DSCAM: variants seen among roughly 807,000 people sequenced by gnomAD.
DSCAM encodes cell adhesion molecule DSCAM.
In DSCAM, 47 loss-of-function variants were observed where a neutral mutation model predicts 217.7. That is an observed-to-expected ratio of 0.22 (90% CI 0.17 to 0.28). The LOEUF is 0.28. DSCAM is among the 10% of genes least tolerant of loss of function. DSCAM has a pLI of 1.00. For synonymous variants in DSCAM, 1,056 were observed against 1,015.3 expected, an observed-to-expected ratio of 1.04 and a Z score of -0.76; for missense variants, 2,080 against 2,618.3, an observed-to-expected ratio of 0.79 and a Z score of 4.49.
chr21:40,841,672 C>G (rs940057060), intron 1 of DSCAM, among the ~76,000 whole-genome samples: 1 of 152,094 alleles, frequency 6.6e-6, no homozygotes, highest in Non-Finnish European at 1.5e-5. Flanking sequence ...GCAGGAGAAG[C>G]GGCGGCTCCT....
chr21:40,602,222 A>G (rs1451587229), intron 3 of DSCAM, among the ~76,000 whole-genome samples: 1 of 151,876 alleles, frequency 6.6e-6, no homozygotes, highest in Admixed American at 6.6e-5. Context: ...CTCCATGCTC[A>G]GATAATTATT....
At chr21:40,572,555 T>A (rs949064412) in intron 3 of DSCAM, among the ~76,000 whole-genome samples, 7 of 152,112 alleles carry the variant, frequency 4.6e-5, no homozygotes, top group African/African-American at 1.7e-4. Context: ...AATAAAATGT[T>A]GAAAACTGAC....
intron 1 of DSCAM, among the ~76,000 whole-genome samples, chr21:40,716,687 A>G (rs1000059570): frequency 6.6e-6 from 1 of 152,226 alleles, no homozygotes; most frequent in African/African-American, 2.4e-5. Context: ...GGGCAGGGTG[A>G]AAAGGGGAGA....
chr21:40,393,766 T>A (rs986266509), intron 3 of DSCAM, among the ~76,000 whole-genome samples: 1 of 152,168 alleles, frequency 6.6e-6, no homozygotes, highest in East Asian at 1.9e-4. Flanking sequence ...TTCAGCTTAT[T>A]TTATTTGATC....
chr21:40,181,138 C>G (rs558148674), intron 14 of DSCAM, among the ~76,000 whole-genome samples: 60 of 152,160 alleles, frequency 3.9e-4, no homozygotes, highest in Non-Finnish European at 7.1e-4. Flanking sequence ...CTTTTCAGAT[C>G]TTGGATGTCC....
intron 32 of DSCAM, among the ~76,000 whole-genome samples, chr21:40,040,781 G>A (rs1310608451): frequency 1.3e-5 from 2 of 152,210 alleles, no homozygotes; most frequent in Non-Finnish European, 2.9e-5. Flanking sequence ...TGCAGGAACT[G>A]AAGCTGAGAA....
chr21:40,252,507 C>A (rs1411038000), intron 11 of DSCAM, among the ~76,000 whole-genome samples: 1 of 152,140 alleles, frequency 6.6e-6, no homozygotes, highest in African/African-American at 2.4e-5. Context: ...AGAAATATTT[C>A]TATCACCATC....
intron 11 of DSCAM, among the ~76,000 whole-genome samples, chr21:40,225,732 G>A (rs1428173320): frequency 1.3e-5 from 2 of 152,108 alleles, no homozygotes; most frequent in Non-Finnish European, 2.9e-5. Flanking sequence ...TCTTTGTTGG[G>A]ACCATGGAGA....
At chr21:40,358,145 G>C (rs1340641169) in intron 4 of DSCAM, among the ~76,000 whole-genome samples, 1 of 152,134 alleles carries the variant, frequency 6.6e-6, no homozygotes, top group Non-Finnish European at 1.5e-5. Flanking sequence ...AAAATGAAAT[G>C]CACCAACTTC....
intron 3 of DSCAM, among the ~76,000 whole-genome samples, chr21:40,409,805 G>T (rs1241142608): frequency 6.6e-6 from 1 of 152,170 alleles, no homozygotes; most frequent in Non-Finnish European, 1.5e-5. Flanking sequence ...GTGCAAACAA[G>T]GCTTAAAGCA....
chr21:40,179,184 CAAAAAAAAAAAAA>C (rs11286508), intron 14 of DSCAM, 90 bp from the exon 15 acceptor site: 2,480 of 102,928 alleles, frequency 0.024, 114 homozygotes, highest in African/African-American at 0.11. Context: ...AATTAAAAAC[CAAAAAAAAAAAAA>C]AAAAAAAAAA....
At chr21:40,536,494 C>T (rs953471342) in intron 3 of DSCAM, among the ~76,000 whole-genome samples, 4 of 151,696 alleles carry the variant, frequency 2.6e-5, no homozygotes, top group African/African-American at 7.3e-5. Context: ...CTCCGCCTCC[C>T]GGGTTCACGC....
chr21:40,844,611 A>G (rs987555899), intron 1 of DSCAM, among the ~76,000 whole-genome samples: 7 of 151,552 alleles, frequency 4.6e-5, no homozygotes, highest in Non-Finnish European at 7.4e-5. Context: ...TAATTTTTGC[A>G]TATATTTTTC....
chr21:40,275,150 C>T (rs946766700), intron 11 of DSCAM, among the ~76,000 whole-genome samples: 1 of 151,506 alleles, frequency 6.6e-6, no homozygotes, highest in African/African-American at 2.4e-5. Flanking sequence ...CAAAGTGAGA[C>T]CCTCATCTTT....
intron 20 of DSCAM, among the ~76,000 whole-genome samples, chr21:40,101,691 C>T (rs373643997): frequency 6.6e-6 from 1 of 151,822 alleles, no homozygotes; most frequent in Non-Finnish European, 1.5e-5. Context: ...AGGACACACA[C>T]ATAAAATGTA....
At position 40,189,236 on chromosome 21, in the gene DSCAM, G is replaced by A. The variant is rs766975740; in HGVS notation, c.2359C>T (p.Pro787Ser). 10 of 1,565,018 alleles carry A rather than the reference G, an allele frequency of 6.4e-6. No individual in the cohort carries two copies. Among genetic ancestry groups the A allele is most frequent in the Non-Finnish European group, 7.8e-6 (9 of 1,158,418 alleles). Residue 787 changes from proline to serine, a missense_variant and splice_region_variant, in exon 12 of 33, where the codon CCT (proline) becomes TCT (serine). By Grantham distance (74) the Pro-to-Ser change is moderately conservative. This residue lies in a region of DSCAM where 218 missense variants were observed against 364.1 expected (regional missense o/e 0.60). Transcript: ENST00000400454. ...SKSMYLTVKIPAMITSYPNTT... is the reference protein window; with the variant it reads ...SKSMYLTVKISAMITSYPNTT... ...TTTGGATAGGATGTTATCATCGCAG[G>A]AACTGAAAAAGCAAAAGGGACACAA...
chr21:40,375,492 T>C (rs1266135284), intron 3 of DSCAM, among the ~76,000 whole-genome samples: 1 of 152,244 alleles, frequency 6.6e-6, no homozygotes, highest in Admixed American at 6.5e-5. Flanking sequence ...GATCTCTCCC[T>C]GGATGGGTCC....
At chr21:40,377,940 A>T (rs1407277584) in intron 3 of DSCAM, among the ~76,000 whole-genome samples, 1 of 152,330 alleles carries the variant, frequency 6.6e-6, no homozygotes, top group Non-Finnish European at 1.5e-5. Flanking sequence ...ATATTAAATA[A>T]GAACATCCAT....
At chr21:40,712,174 T>A (rs1337479250) in intron 1 of DSCAM, among the ~76,000 whole-genome samples, 1 of 152,188 alleles carries the variant, frequency 6.6e-6, no homozygotes, top group Admixed American at 6.5e-5. Context: ...ATGACACAAC[T>A]AAGACTCTCA....
Sources: allele counts gnomAD v4.1 joint callset (sites outside exome capture counted in the v4.1 genomes callset), GRCh38; gene constraint gnomAD v4.1.1; regional missense constraint gnomAD v4.1.1; transcripts MANE v1.5; gene names NCBI Gene and HGNC (gene_info 2026-07-23, HGNC 2026-07-21).